The following DLL4 variants were observed in gnomAD, a reference collection of about 807,000 sequenced individuals.
DLL4 encodes the protein delta-like protein 4.
In DLL4, 7 loss-of-function variants were observed where a neutral mutation model predicts 73.6. The observed-to-expected ratio is 0.10, with a 90% CI of 0.05 to 0.18. DLL4 has a LOEUF of 0.18. Ranked by LOEUF, DLL4 falls within the 10% of genes least tolerant of loss-of-function variation. The probability of loss-of-function intolerance (pLI) is 1.00; values close to 1 mark genes in which losing one functional copy is unlikely to be tolerated. For missense variants in DLL4, 614 were observed against 929.9 expected (o/e 0.66, Z 4.42); for synonymous variants, 345 against 374.3 (o/e 0.92, Z 0.90).
intron 6 of DLL4, 124 bp downstream of exon 6, chr15:40,932,571 C>G: frequency 3.1e-6 from 4 of 1,286,790 alleles, no homozygotes; most frequent in African/African-American, 1.5e-5. Flanking sequence ...CCATGATCTT[C>G]CAAGGATCTT....
chr15:40,930,476 G>T lies in DLL4; in HGVS notation c.337-149G>T. 1.4e-6 allele frequency: 1 copy of T among 726,676 alleles called. No homozygotes were observed. Among genetic ancestry groups the T allele is most frequent in the Admixed American group, 2.2e-5 (1 of 45,638 alleles). The allele number at this position is 726,676 out of a possible 1,614,324, so 45.0% of individuals were successfully genotyped here. On this transcript the variant is annotated intron_variant, in intron 2 of 10. Transcript: ENST00000249749. This position sits in a 1 kb window ranked among gnomAD's most constrained non-coding sequence, Gnocchi z 5.7. ...CTCCTCTCGCCTTCCCTGCTCAAGC[G>T]CTACACTGTGCACAGCCCCGTTATG...
intron 3 of DLL4, 48 bp from the exon 4 acceptor site, chr15:40,931,455 C>T: frequency 6.4e-7 from 1 of 1,573,046 alleles, no homozygotes; most frequent in Non-Finnish European, 8.6e-7. Flanking sequence ...TCACTGGCAC[C>T]CTTGGGGACT....
chr15:40,936,299 G>A lies in DLL4; in HGVS notation c.1312G>A (p.Glu438Lys). ...TCCTGGATTCACGGGCACCTACTGT[G>A]AACTCCACGTCAGCGACTGTGCCCG... is the stretch of plus-strand genomic sequence containing the variant. ...CRPGFTGTYC[E>K]LHVSDCARNP... Residue 438 changes from glutamate to lysine, a missense_variant, in exon 9 of 11, where the codon GAA (glutamate) becomes AAA (lysine). Around this residue, in one of 3 missense-constraint regions of DLL4, gnomAD observed 386 missense variants for 541.3 expected, o/e 0.71. Coordinates refer to ENST00000249749, the MANE Select transcript of DLL4 (RefSeq NM_019074.4). The A allele has an allele frequency of 1.9e-6, 3 of 1,609,442 alleles. No homozygotes were observed. The highest frequency in any genetic ancestry group is 2.5e-6 in the Non-Finnish European group (3 of 1,178,482).
Position 40,932,376 on chromosome 15 carries a change from G to T in DLL4, c.779G>T (p.Arg260Leu). Residue 260 changes from arginine to leucine, a missense_variant, in exon 6 of 11, where the codon CGC becomes CTC. By Grantham distance (102) the Arg-to-Leu change is moderately radical. Around this residue, in one of 3 missense-constraint regions of DLL4, gnomAD observed 227 missense variants for 370.8 expected, o/e 0.61. Coordinates refer to ENST00000249749, the MANE Select transcript of DLL4 (RefSeq NM_019074.4). ...GAATGCATCCCCCACAATGGCTGTC[G>T]CCACGGCACCTGCAGCACTCCCTGG... ...CNECIPHNGC[R>L]HGTCSTPWQC... 2 of 1,613,956 alleles carry T rather than the reference G, an allele frequency of 1.2e-6. No individual in the cohort carries two copies. Among genetic ancestry groups the T allele is most frequent in the South Asian group, 1.1e-5 (1 of 91,084 alleles).
chr15:40,934,978 C>T lies in DLL4; in HGVS notation c.1101C>T (p.Ala367=), dbSNP rs751146569. Residue 367 remains alanine (A), a synonymous_variant, in exon 8 of 11, where the codon GCC becomes GCT. Transcript: ENST00000249749. ...LHCEHSTLSC[A]DSPCFNGGSC... Reference sequence around the variant, plus strand: ...GTGAACACAGCACCTTGAGCTGCGCCGACTCCCCCTGCTTCAATGGGGGCT... The same window carrying T: ...GTGAACACAGCACCTTGAGCTGCGCTGACTCCCCCTGCTTCAATGGGGGCT... 3.1e-5 allele frequency: 50 copies of T among 1,613,662 alleles called. No individual in the cohort carries two copies. Among genetic ancestry groups the T allele is most frequent in the Admixed American group, 5.0e-5 (3 of 60,028 alleles).
At position 40,931,641 on chromosome 15, in the gene DLL4, A is replaced by G; in HGVS notation, c.533A>G (p.Asn178Ser). 6.2e-7 allele frequency: 1 copy of G among 1,613,354 alleles called. No individual in the cohort carries two copies. The highest frequency in any genetic ancestry group is 8.5e-7 in the Non-Finnish European group (1 of 1,179,600). Residue 178 changes from asparagine to serine, a missense_variant, in exon 4 of 11, where the codon AAC becomes AGC. By Grantham distance (46) the Asn-to-Ser change is conservative. Coordinates refer to ENST00000249749, the MANE Select transcript of DLL4 (RefSeq NM_019074.4). ...RYSYRVICSD[N>S]YYGDNCSRLC... The stretch of plus-strand genomic sequence containing the variant: ...TCTTACCGGGTCATCTGCAGTGACA[A>G]CTACTATGGAGACAACTGCTCCCGC...
At chr15:40,937,822 C>T (rs1397506584) in intron 10 of DLL4, among the ~76,000 whole-genome samples, 2 of 152,188 alleles carry the variant, frequency 1.3e-5, no homozygotes, top group South Asian at 2.1e-4. Context: ...GCCCTTCCTG[C>T]CCCTTCCCAC....
chr15:40,932,083 C>G (rs1309484718), intron 4 of DLL4, 88 bp from the exon 5 acceptor site: 2 of 1,494,978 alleles, frequency 1.3e-6, no homozygotes, highest in African/African-American at 1.4e-5. Context: ...CCCAGGAGAG[C>G]TAGGGGATCC....
rs1892738233 is a variant in DLL4 at position 40,929,876 on chromosome 15, G to A, written c.96G>A (p.Leu32=). 1.2e-6 allele frequency: 2 copies of A among 1,612,370 alleles called. No homozygotes were observed. Among genetic ancestry groups the A allele is most frequent in the African/African-American group, 2.7e-5 (2 of 74,930 alleles). Residue 32 remains leucine (L), a synonymous_variant, in exon 2 of 11, where the codon CTG becomes CTA. Transcript: ENST00000249749. This position sits in a 1 kb window ranked among gnomAD's most constrained non-coding sequence, Gnocchi z 7.1. ...QRAAGSGVFQ[L]QLQEFINERG... ...CGGCCGGCTCCGGCGTCTTCCAGCT[G>A]CAGCTGCAGGAGTTCATCAACGAGC...
In DLL4 at chr15:40,936,605, G is replaced by A; in HGVS notation, c.1618G>A (p.Val540Met). The change falls in exon 9 of 11, where the codon GTG becomes ATG. Residue 540 changes from valine to methionine, a missense_variant. This residue lies in a region of DLL4 where 386 missense variants were observed against 541.3 expected (regional missense o/e 0.71). Transcript: ENST00000249749. The stretch of plus-strand genomic sequence containing the variant: ...CGTCTCGCTGGGTGTGGGGCTGGCA[G>A]TGCTGCTGGTACTGCTGGGCATGGT... ...VAVSLGVGLA[V>M]LLVLLGMVAV... The A allele has an allele frequency of 6.2e-7, 1 of 1,610,210 alleles. No individual in the cohort carries two copies. Among genetic ancestry groups the A allele is most frequent in the South Asian group, 1.1e-5 (1 of 90,788 alleles).
chr15:40,935,413 C>G (rs897324981), intron 8 of DLL4, among the ~76,000 whole-genome samples: 1 of 152,218 alleles, frequency 6.6e-6, no homozygotes, highest in Non-Finnish European at 1.5e-5. Flanking sequence ...AAGTCCTGAG[C>G]TGGAGAGAGG....
At position 40,936,667 on chromosome 15, in the gene DLL4, G is replaced by A. The variant is rs763522611; in HGVS notation, c.1680G>A (p.Pro560=). Reference sequence around the variant, plus strand: ...TGCGGCAGCTGCGGCTTCGACGGCCGGACGACGGCAGCAGGGAAGCCATGA... The same window carrying A: ...TGCGGCAGCTGCGGCTTCGACGGCCAGACGACGGCAGCAGGGAAGCCATGA... ...VAVRQLRLRR[P]DDGSREAMNN... Residue 560 remains proline, a synonymous_variant, in exon 9 of 11, where the codon CCG becomes CCA. Transcript: ENST00000249749. 104 of 1,612,666 alleles carry A rather than the reference G, an allele frequency of 6.4e-5. No individual in the cohort carries two copies. The highest frequency in any genetic ancestry group is 4.9e-4 in the South Asian group (45 of 91,070).
intron 3 of DLL4, chr15:40,931,138 C>G: frequency 2.6e-6 from 1 of 388,486 alleles, no homozygotes; most frequent in South Asian, 4.1e-5. Flanking sequence ...AAAGGACCCC[C>G]TGCTCCCAGG....
intron 6 of DLL4, among the ~76,000 whole-genome samples, chr15:40,932,706 C>T (rs1468903600): frequency 1.3e-5 from 2 of 152,118 alleles, no homozygotes; most frequent in Non-Finnish European, 2.9e-5. Flanking sequence ...GGTCGGCAGC[C>T]TGGAGGTTGC....
At chr15:40,935,374 G>A (rs941052696) in intron 8 of DLL4, among the ~76,000 whole-genome samples, 1 of 152,222 alleles carries the variant, frequency 6.6e-6, no homozygotes, top group Non-Finnish European at 1.5e-5. Flanking sequence ...ACCCCGTCCT[G>A]GCTGGGGTGG....
chr15:40,930,476 G>A lies in DLL4; in HGVS notation c.337-149G>A. 4.1e-6 allele frequency: 3 copies of A among 726,676 alleles called. No homozygotes were observed. Among genetic ancestry groups the A allele is most frequent in the South Asian group, 1.7e-5 (1 of 58,864 alleles). 45.0% of individuals were successfully genotyped at this position (726,676 alleles called of 1,614,324 possible). A position where few individuals can be genotyped will look rare whatever the true frequency, so the allele number is the denominator to read the frequency against. On this transcript the variant is annotated intron_variant, in intron 2 of 10. Transcript: ENST00000249749. The surrounding 1 kb of genome is among the most constrained non-coding windows in gnomAD (Gnocchi z 5.7). Reference sequence around the variant, plus strand: ...CTCCTCTCGCCTTCCCTGCTCAAGCGCTACACTGTGCACAGCCCCGTTATG... The same window carrying A: ...CTCCTCTCGCCTTCCCTGCTCAAGCACTACACTGTGCACAGCCCCGTTATG...
In DLL4 at chr15:40,929,979, G is replaced by C. The variant is rs1892740500; in HGVS notation, c.199G>C (p.Ala67Pro). 1 of 1,613,102 alleles carries C rather than the reference G, an allele frequency of 6.2e-7. No homozygotes were observed. Among genetic ancestry groups the C allele is most frequent in the Non-Finnish European group, 8.5e-7 (1 of 1,179,828 alleles). ...CCGCGTCTGCCTTAAGCACTTCCAG[G>C]CGGTCGTCTCGCCCGGACCCTGCAC... is the stretch of plus-strand genomic sequence containing the variant. ...FFRVCLKHFQAVVSPGPCTFG... is the reference protein window; with the variant it reads ...FFRVCLKHFQPVVSPGPCTFG... The change falls in exon 2 of 11, where the codon GCG (alanine) becomes CCG (proline). Residue 67 changes from alanine to proline, a missense_variant. Ala to Pro is a conservative substitution (Grantham distance 27). Transcript: ENST00000249749. This position sits in a 1 kb window ranked among gnomAD's most constrained non-coding sequence, Gnocchi z 7.1.
chr15:40,934,264 TGTA>T (rs1267734990), intron 6 of DLL4, among the ~76,000 whole-genome samples: 3 of 149,062 alleles, frequency 2.0e-5, no homozygotes, highest in Non-Finnish European at 4.4e-5. Context: ...AGGCGAAGGT[TGTA>T]GTGAGCCTAT....
chr15:40,935,270 G>C (rs1302366353), intron 8 of DLL4, among the ~76,000 whole-genome samples, 153 bp downstream of exon 8: 1 of 152,244 alleles, frequency 6.6e-6, no homozygotes, highest in Non-Finnish European at 1.5e-5. Context: ...TCAGCTGGGG[G>C]GCTGTGGAAG....
Sources: gnomAD v4.1 joint callset for allele counts (sites outside exome capture counted in the v4.1 genomes callset) on GRCh38, gnomAD v4.1.1 for gene constraint, gnomAD v4.1.1 regional missense constraint, Gnocchi (gnomAD v3.1) non-coding constraint, MANE v1.5 for transcripts, NCBI Gene and HGNC (gene_info 2026-07-23, HGNC 2026-07-21) for gene names.